Variants in GALNTL6 observed in about 807,000 individuals in gnomAD.
The protein encoded by GALNTL6 is polypeptide N-acetylgalactosaminyltransferase-like 6.
A neutral mutation model predicts 73.7 loss-of-function variants in GALNTL6; 46 were observed. The ratio of observed to expected loss-of-function variants is 0.62; its 90% CI spans 0.49 to 0.80. The LOEUF (loss-of-function observed/expected upper bound fraction) is 0.80. Among genes scored for constraint, GALNTL6 ranks in the 30% least tolerant of loss-of-function variants. The probability of loss-of-function intolerance (pLI) is 0.00; values close to 1 mark genes in which losing one functional copy is unlikely to be tolerated. For missense variants in GALNTL6, 604 were observed against 755.0 expected (o/e 0.80, Z 2.34); for synonymous variants, 259 against 263.7 (o/e 0.98, Z 0.17).
chr4:172,892,968 C>T (rs1341971669), intron 8 of GALNTL6, among the ~76,000 whole-genome samples: 3 of 152,192 alleles, frequency 2.0e-5, no homozygotes, highest in Non-Finnish European at 1.5e-5. Context: ...TGCAGGTGGT[C>T]TGGTGATGCA....
rs533485692 is a variant in GALNTL6 at position 172,241,380 on chromosome 4, GA to G, written c.247+11618del. Among the ~76,000 whole-genome samples, 17 of 152,154 alleles carry G rather than the reference GA, an allele frequency of 1.1e-4. No individual in the cohort carries two copies. The East Asian group carries it at 1.4e-3, about 12-fold the overall frequency. On this transcript the variant is annotated intron_variant, in intron 3 of 12. Transcript: ENST00000506823. ...ACCTTTGAGGAAATGGAGATTTCTT[GA>G]ATTAAGAAAAAAAATGTAAAAGGAG...
At chr4:172,705,978 C>A (rs1305354981) in intron 5 of GALNTL6, among the ~76,000 whole-genome samples, 1 of 151,898 alleles carries the variant, frequency 6.6e-6, no homozygotes, top group Non-Finnish European at 1.5e-5. Flanking sequence ...GTTTGGTGAT[C>A]TTTGACCTTA....
rs116633829 is a variant in GALNTL6, at chr4:172,414,551, T to C, written c.553+65862T>C. ...CGTATTTCATTCACACGATGATCTG[T>C]AGGTTTATTGTCAAATAGAGCACAC... On this transcript the variant is annotated intron_variant, in intron 5 of 12. Transcript: ENST00000506823. Among the ~76,000 whole-genome samples the C allele has an allele frequency of 7.1e-3, 1,077 of 152,262 alleles. 11 individuals are homozygous for C. The highest frequency in any genetic ancestry group is 8.4e-3 in the Non-Finnish European group (571 of 68,006).
At chr4:172,360,555 T>G (rs1416900611) in intron 5 of GALNTL6, among the ~76,000 whole-genome samples, 1 of 152,168 alleles carries the variant, frequency 6.6e-6, no homozygotes, top group South Asian at 2.1e-4. Context: ...TATTGCTGAG[T>G]TGTATGAAGG....
chr4:172,881,796 A>AT (rs1745465620), intron 7 of GALNTL6, among the ~76,000 whole-genome samples: 1 of 152,172 alleles, frequency 6.6e-6, no homozygotes, highest in Non-Finnish European at 1.5e-5. Flanking sequence ...CCATTTGTAT[A>AT]TAGTTATCTC....
At chr4:171,963,912 G>T (rs1739306106) in intron 2 of GALNTL6, among the ~76,000 whole-genome samples, 1 of 152,262 alleles carries the variant, frequency 6.6e-6, no homozygotes, top group African/African-American at 2.4e-5. Context: ...ATGTTTTATA[G>T]AAAAGAGTCT....
intron 3 of GALNTL6, among the ~76,000 whole-genome samples, chr4:172,294,332 A>C (rs1202127552): frequency 2.0e-5 from 3 of 152,022 alleles, no homozygotes; most frequent in African/African-American, 7.3e-5. Context: ...AAAATACTTC[A>C]CTCATTATTG....
chr4:172,949,800 G>A (rs1447984446), intron 9 of GALNTL6, among the ~76,000 whole-genome samples: 1 of 151,524 alleles, frequency 6.6e-6, no homozygotes, highest in African/African-American at 2.4e-5. Context: ...TCCCAGCTAC[G>A]TGGGAGGCTG....
At chr4:172,316,581 A>G (rs1348709660) in intron 4 of GALNTL6, among the ~76,000 whole-genome samples, 1 of 152,208 alleles carries the variant, frequency 6.6e-6, no homozygotes, top group Non-Finnish European at 1.5e-5. Context: ...ATTTCTGTCT[A>G]AGAGAATCTT....
At chr4:172,875,644 G>A (rs1486081971) in intron 7 of GALNTL6, among the ~76,000 whole-genome samples, 3 of 151,582 alleles carry the variant, frequency 2.0e-5, no homozygotes, top group Admixed American at 6.6e-5. Flanking sequence ...TATTCACCAG[G>A]CGAAGCTATC....
At chr4:171,841,839 A>G (rs1239788064) in intron 2 of GALNTL6, among the ~76,000 whole-genome samples, 1 of 152,122 alleles carries the variant, frequency 6.6e-6, no homozygotes, top group Non-Finnish European at 1.5e-5. Flanking sequence ...AAAACTAAGT[A>G]TAGCAATGTC....
chr4:172,376,736 A>T (rs1743047000), intron 5 of GALNTL6, among the ~76,000 whole-genome samples: 1 of 152,170 alleles, frequency 6.6e-6, no homozygotes, highest in Non-Finnish European at 1.5e-5. Flanking sequence ...CCGCTTGGCG[A>T]TAGGCAATAG....
intron 2 of GALNTL6, among the ~76,000 whole-genome samples, chr4:171,905,277 T>C (rs1737239127): frequency 6.6e-6 from 1 of 151,380 alleles, no homozygotes. Context: ...ACACATAGGC[T>C]CAAAATAAAA....
At chr4:172,965,833 G>T (rs1750302015) in intron 10 of GALNTL6, among the ~76,000 whole-genome samples, 1 of 151,786 alleles carries the variant, frequency 6.6e-6, no homozygotes, top group African/African-American at 2.4e-5. Context: ...ATATGTATTT[G>T]TATTTGATAT....
At position 172,348,703 on chromosome 4, in the gene GALNTL6, G is replaced by C. The variant is rs549547093; in HGVS notation, c.553+14G>C. 1 of 1,563,960 alleles carries C rather than the reference G, an allele frequency of 6.4e-7. No homozygotes were observed. Among genetic ancestry groups the C allele is most frequent in the East Asian group, 2.3e-5 (1 of 43,894 alleles). ...TCAGTGAGAGAGGTAAGATACAGTT[G>C]ATAACATTTTATCTGATTCTGCTAC... On this transcript the variant is annotated intron_variant, in intron 5 of 12. Coordinates refer to ENST00000506823, the MANE Select transcript of GALNTL6 (RefSeq NM_001034845.3).
chr4:172,246,400 A>G (rs573760284), intron 3 of GALNTL6, among the ~76,000 whole-genome samples: 13 of 152,216 alleles, frequency 8.5e-5, no homozygotes, highest in Non-Finnish European at 1.9e-4. Flanking sequence ...TGTTTAAAGA[A>G]ATAGTAATCA....
At chr4:172,685,013 G>A (rs1021678299) in intron 5 of GALNTL6, among the ~76,000 whole-genome samples, 11 of 151,948 alleles carry the variant, frequency 7.2e-5, no homozygotes, top group Admixed American at 4.6e-4. Flanking sequence ...TTGTTACCTT[G>A]TACATATTGT....
At chr4:172,191,029 C>A (rs1011478574) in intron 2 of GALNTL6, among the ~76,000 whole-genome samples, 3 of 152,208 alleles carry the variant, frequency 2.0e-5, no homozygotes, top group African/African-American at 7.2e-5. Context: ...GGCTTCATCT[C>A]TCCCTCCCAC....
intron 2 of GALNTL6, among the ~76,000 whole-genome samples, chr4:172,022,312 C>G (rs140244293): frequency 8.5e-5 from 13 of 152,168 alleles, no homozygotes; most frequent in Non-Finnish European, 7.4e-5. Context: ...AATTGACAAT[C>G]TTAGTTTATG....
Sources: gnomAD v4.1 joint callset for allele counts (sites outside exome capture counted in the v4.1 genomes callset) on GRCh38, gnomAD v4.1.1 for gene constraint, MANE v1.5 for transcripts, NCBI Gene and HGNC (gene_info 2026-07-23, HGNC 2026-07-21) for gene names.